PCNX1: variants seen among roughly 807,000 people sequenced by gnomAD.
PCNX1 encodes pecanex 1.
In PCNX1, 78 loss-of-function variants were observed where a neutral mutation model predicts 242.2. That is an observed-to-expected ratio of 0.32 (90% CI 0.27 to 0.39). The LOEUF is 0.39. PCNX1 is among the 10% of genes least tolerant of loss of function. The pLI is 1.00. For missense variants in PCNX1, 2,581 were observed against 2,856.5 expected, an observed-to-expected ratio of 0.90 and a Z score of 2.20; for synonymous variants, 1,024 against 1,032.9, an observed-to-expected ratio of 0.99 and a Z score of 0.17.
At chr14:71,038,819 A>G (rs2060621686) in intron 19 of PCNX1, among the ~76,000 whole-genome samples, 1 of 151,702 alleles carries the variant, frequency 6.6e-6, no homozygotes, top group Non-Finnish European at 1.5e-5. Context: ...CTTGGAACCA[A>G]CCCAAATGTC....
intron 18 of PCNX1, 45 bp downstream of exon 18, chr14:71,034,081 A>C (rs941748008): frequency 2.0e-6 from 2 of 1,007,414 alleles, no homozygotes; most frequent in African/African-American, 3.3e-5. Context: ...TAAATCTTAG[A>C]CAGTTGATCA....
chr14:71,065,460 G>T (rs914616603), intron 26 of PCNX1, among the ~76,000 whole-genome samples: 1 of 152,050 alleles, frequency 6.6e-6, no homozygotes, highest in African/African-American at 2.4e-5. Flanking sequence ...ATTTTTCGAT[G>T]GGGTTGTTTG....
chr14:70,915,637 A>G (rs965441362), intron 1 of PCNX1, among the ~76,000 whole-genome samples: 1 of 152,174 alleles, frequency 6.6e-6, no homozygotes, highest in Non-Finnish European at 1.5e-5. Flanking sequence ...CTTACTGGTT[A>G]TGTAAGTCAT....
chr14:71,034,224 C>T (rs760754114), intron 18 of PCNX1, among the ~76,000 whole-genome samples, 188 bp downstream of exon 18: 16 of 152,090 alleles, frequency 1.1e-4, no homozygotes, highest in Non-Finnish European at 1.8e-4. Context: ...GCTCATTCCT[C>T]AGACTTGGTT....
chr14:71,069,765 C>G (rs1566771976), intron 26 of PCNX1, among the ~76,000 whole-genome samples: 1 of 152,086 alleles, frequency 6.6e-6, no homozygotes, highest in South Asian at 2.1e-4. Context: ...AATCTTTTTG[C>G]TGATGGAGGG....
At chr14:70,946,247 TC>T (rs1264158592) in intron 1 of PCNX1, among the ~76,000 whole-genome samples, 1 of 152,256 alleles carries the variant, frequency 6.6e-6, no homozygotes, top group African/African-American at 2.4e-5. Context: ...TTGCATGTCT[TC>T]CATATCTTAC....
chr14:70,987,896 A>G (rs2059046406), intron 6 of PCNX1, among the ~76,000 whole-genome samples: 2 of 152,190 alleles, frequency 1.3e-5, no homozygotes, highest in Admixed American at 6.5e-5. Flanking sequence ...CAATTTGCCA[A>G]TATTTGCTTC....
At chr14:70,994,396 G>GATAGATAGATATATATATAT (rs1555357306) in intron 7 of PCNX1, among the ~76,000 whole-genome samples, 2 of 96,966 alleles carry the variant, frequency 2.1e-5, no homozygotes, top group African/African-American at 3.9e-5. Context: ...ACAGGCTTAA[G>GATAGATAGATATATATATAT]ATATATATAT....
intron 1 of PCNX1, among the ~76,000 whole-genome samples, chr14:70,926,981 G>C (rs972424928): frequency 6.6e-6 from 1 of 152,112 alleles, no homozygotes; most frequent in Non-Finnish European, 1.5e-5. Flanking sequence ...AGTCAGACTG[G>C]GTATCGCTTC....
At chr14:71,083,865 C>G (rs1407759573) in intron 28 of PCNX1, among the ~76,000 whole-genome samples, 2 of 152,180 alleles carry the variant, frequency 1.3e-5, no homozygotes, top group Non-Finnish European at 2.9e-5. Flanking sequence ...TTGTCAAACT[C>G]ATTCTCCATC....
At chr14:71,090,216 G>A (rs145661713) in intron 30 of PCNX1, among the ~76,000 whole-genome samples, 3 of 152,308 alleles carry the variant, frequency 2.0e-5, no homozygotes, top group African/African-American at 4.8e-5. Flanking sequence ...TAACATTAAA[G>A]TGAGGCCCCA....
intron 8 of PCNX1, 29 bp from the exon 9 acceptor site, chr14:71,009,605 G>T (rs373740039): frequency 1.4e-5 from 18 of 1,319,952 alleles, no homozygotes; most frequent in African/African-American, 5.8e-5. Flanking sequence ...TATTCTAATG[G>T]CTTTTTAAAA....
chr14:71,018,909 A>T, intron 11 of PCNX1, 100 bp from the exon 12 acceptor site: 1 of 977,100 alleles, frequency 1.0e-6, no homozygotes. Context: ...ACATCTTGGC[A>T]TACCATGAAC....
chr14:70,970,402 T>A (rs979963122), intron 5 of PCNX1, among the ~76,000 whole-genome samples: 2 of 152,158 alleles, frequency 1.3e-5, no homozygotes, highest in African/African-American at 4.8e-5. Flanking sequence ...TCAGTCAATA[T>A]CAATTTCTTT....
chr14:70,962,196 T>C (rs1341969029), intron 2 of PCNX1, 30 bp from the exon 3 acceptor site: 4 of 1,260,686 alleles, frequency 3.2e-6, no homozygotes, highest in Non-Finnish European at 4.7e-6. Flanking sequence ...ATAATGACAG[T>C]TACTCTTTTT....
intron 1 of PCNX1, among the ~76,000 whole-genome samples, chr14:70,912,502 T>C (rs569267153): frequency 6.6e-6 from 1 of 152,100 alleles, no homozygotes; most frequent in African/African-American, 2.4e-5. Context: ...CTCACAGGCA[T>C]CCCAAAAGTA....
At chr14:70,998,154 T>C (rs1378498967) in intron 8 of PCNX1, among the ~76,000 whole-genome samples, 1 of 152,224 alleles carries the variant, frequency 6.6e-6, no homozygotes, top group African/African-American at 2.4e-5. Flanking sequence ...TCAGACATTG[T>C]TTAATTCTAA....
intron 11 of PCNX1, among the ~76,000 whole-genome samples, chr14:71,015,508 T>G (rs1240727333): frequency 1.3e-5 from 2 of 152,142 alleles, no homozygotes; most frequent in Non-Finnish European, 2.9e-5. Flanking sequence ...GTCATAAATG[T>G]GTATTGTAAA....
chr14:71,074,562 C>T (rs748435607), intron 27 of PCNX1, among the ~76,000 whole-genome samples: 2 of 152,170 alleles, frequency 1.3e-5, no homozygotes, highest in African/African-American at 2.4e-5. Context: ...CTGTTTTTCC[C>T]AGCAGTGAAG....
Sources: gnomAD v4.1 joint callset for allele counts (sites outside exome capture counted in the v4.1 genomes callset) on GRCh38, gnomAD v4.1.1 for gene constraint, MANE v1.5 for transcripts, NCBI Gene and HGNC (gene_info 2026-07-23, HGNC 2026-07-21) for gene names.